NMD3: variants seen among roughly 807,000 people sequenced by gnomAD.
NMD3 encodes NMD3 ribosome export adaptor.
In NMD3, 47 loss-of-function variants were observed where a neutral mutation model predicts 73.1. The ratio of observed to expected loss-of-function variants is 0.64; its 90% CI spans 0.51 to 0.82. The LOEUF (loss-of-function observed/expected upper bound fraction) is 0.82. Ranked by LOEUF, NMD3 falls within the 40% of genes least tolerant of loss-of-function variation. The pLI is 0.00. For synonymous variants in NMD3, 210 were observed against 194.5 expected (o/e 1.08, Z -0.66); for missense variants, 554 against 612.5 (o/e 0.90, Z 1.01).
chr3:161,232,888 T>C (rs534116315), intron 4 of NMD3, among the ~76,000 whole-genome samples: 9 of 152,284 alleles, frequency 5.9e-5, no homozygotes, highest in African/African-American at 1.9e-4. Flanking sequence ...GCAAACTGTT[T>C]TGGCCTATGC....
intron 10 of NMD3, among the ~76,000 whole-genome samples, chr3:161,241,771 A>G (rs1736996043): frequency 6.6e-6 from 1 of 152,162 alleles, no homozygotes. Flanking sequence ...ACTTAAGTCC[A>G]TTGCCAAAAT....
chr3:161,224,080 C>T (rs1267870453), intron 2 of NMD3, among the ~76,000 whole-genome samples: 1 of 152,042 alleles, frequency 6.6e-6, no homozygotes, highest in African/African-American at 2.4e-5. Context: ...ATTTCAGTAT[C>T]TAAAATTAAA....
chr3:161,246,185 T>C (rs1363789055), intron 11 of NMD3, 151 bp from the exon 12 acceptor site: 1 of 389,884 alleles, frequency 2.6e-6, no homozygotes, highest in Non-Finnish European at 4.6e-6. Context: ...TTTGTTAATT[T>C]TGACAGTGTT....
At chr3:161,229,413 C>G (rs1477542299) in intron 4 of NMD3, among the ~76,000 whole-genome samples, 1 of 152,098 alleles carries the variant, frequency 6.6e-6, no homozygotes, top group Non-Finnish European at 1.5e-5. Context: ...ACTGATGTAG[C>G]TGGATGTGTT....
intron 4 of NMD3, among the ~76,000 whole-genome samples, chr3:161,229,823 C>G (rs575818166): frequency 1.1e-4 from 17 of 152,068 alleles, no homozygotes; most frequent in African/African-American, 3.9e-4. Context: ...GTGTGATGTC[C>G]TGGGAGGAAA....
Position 161,225,024 on chromosome 3 carries a change from C to G in NMD3, c.139C>G (p.Pro47Ala), listed in dbSNP as rs776286017. The change falls in exon 3 of 16, where the codon CCG becomes GCG. Residue 47 changes from proline to alanine, a missense_variant. By Grantham distance (27) the Pro-to-Ala change is conservative. Transcript: ENST00000351193. The stretch of plus-strand genomic sequence containing the variant: ...TAAAGTGGACATCAGCCAAGGTATT[C>G]CGAAACAAGTCTCGATTTCGTTCTG... ...RSKVDISQGI[P>A]KQVSISFCKQ... The G allele has an allele frequency of 6.2e-7, 1 of 1,613,666 alleles. No homozygotes were observed. Among genetic ancestry groups the G allele is most frequent in the East Asian group, 2.2e-5 (1 of 44,840 alleles).
At chr3:161,246,797 C>T (rs1244788729) in intron 12 of NMD3, among the ~76,000 whole-genome samples, 1 of 152,070 alleles carries the variant, frequency 6.6e-6, no homozygotes, top group East Asian at 1.9e-4. Context: ...GATATGACAA[C>T]TATATATATA....
chr3:161,237,014 G>A (rs1736782992), intron 7 of NMD3, among the ~76,000 whole-genome samples: 1 of 152,032 alleles, frequency 6.6e-6, no homozygotes, highest in Admixed American at 6.6e-5. Context: ...AATTGTTTTG[G>A]CTATTCTGGG....
Position 161,241,213 on chromosome 3 carries a change from CAAT to C in NMD3, c.871+57_871+59del, listed in dbSNP as rs200120613. ...TGACAATTTTGTTTTGTATGACAAA[CAAT>C]AATAATTTGTGTTGTTAATTTTTCA... On this transcript the variant is annotated intron_variant, in intron 10 of 15. Transcript: ENST00000351193. 1.0e-3 allele frequency: 1,044 copies of C among 1,044,170 alleles called. 9 individuals are homozygous for C. In the African/African-American group the frequency reaches 0.014, roughly 14 times the overall value. 64.7% of individuals were successfully genotyped at this position (1,044,170 alleles called of 1,614,324 possible).
At chr3:161,221,485 C>G (rs142364430) in intron 1 of NMD3, 76 bp downstream of exon 1, 1 of 152,190 alleles carries the variant, frequency 6.6e-6, no homozygotes, top group African/African-American at 2.4e-5. Flanking sequence ...TCCCCGGCCT[C>G]GGGGCCGTGC....
chr3:161,225,026 G>C lies in NMD3; in HGVS notation c.141G>C (p.Pro47=). 6.2e-7 allele frequency: 1 copy of C among 1,613,824 alleles called. No individual in the cohort carries two copies. The highest frequency in any genetic ancestry group is 8.5e-7 in the Non-Finnish European group (1 of 1,179,970). ...RSKVDISQGI[P]KQVSISFCKQ... ...AAGTGGACATCAGCCAAGGTATTCCGAAACAAGTCTCGATTTCGTTCTGCA... is the reference window on the plus strand; with the variant it reads ...AAGTGGACATCAGCCAAGGTATTCCCAAACAAGTCTCGATTTCGTTCTGCA... The change falls in exon 3 of 16, where the codon CCG becomes CCC. Residue 47 remains proline (P), a synonymous_variant. Transcript: ENST00000351193.
At chr3:161,225,479 C>A (rs1736277418) in intron 3 of NMD3, among the ~76,000 whole-genome samples, 1 of 151,914 alleles carries the variant, frequency 6.6e-6, no homozygotes, top group African/African-American at 2.4e-5. Flanking sequence ...AAACTCATAA[C>A]ATTCACGTGT....
In NMD3 at chr3:161,249,483, C is replaced by T. The variant is rs1258601412; in HGVS notation, c.1233C>T (p.Thr411=). The change falls in exon 14 of 16, where the codon ACC becomes ACT. Residue 411 remains threonine (T), a synonymous_variant. Coordinates refer to ENST00000351193, the MANE Select transcript of NMD3 (RefSeq NM_015938.5). ...VVLIKKSYDR[T]KRQRRRNWKL... is the part of the protein sequence containing the mutation. ...TAATCAAGAAGAGCTATGACCGGAC[C>T]AAACGTCAGCGTCGTAGAAACTGGA... is the stretch of plus-strand genomic sequence containing the variant. 2 of 1,611,018 alleles carry T rather than the reference C, an allele frequency of 1.2e-6. No individual in the cohort carries two copies. The highest frequency in any genetic ancestry group is 1.7e-6 in the Non-Finnish European group (2 of 1,178,594).
intron 11 of NMD3, among the ~76,000 whole-genome samples, chr3:161,244,962 T>C (rs1221430390): frequency 1.3e-5 from 2 of 152,130 alleles, no homozygotes; most frequent in African/African-American, 4.8e-5. Context: ...TCCTATGTTG[T>C]TTTGACGTGA....
At chr3:161,246,499 T>C in intron 12 of NMD3, 51 bp downstream of exon 12, 1 of 768,728 alleles carries the variant, frequency 1.3e-6, no homozygotes, top group Non-Finnish European at 2.1e-6. Context: ...CAAATTTTCT[T>C]TGGGAACCAG....
chr3:161,249,629 G>A (rs757937488), intron 14 of NMD3, 69 bp downstream of exon 14: 21 of 1,005,760 alleles, frequency 2.1e-5, no homozygotes, highest in Non-Finnish European at 3.1e-5. Flanking sequence ...TTTTTATGTT[G>A]TAAAGAAATA....
Position 161,227,344 on chromosome 3 carries a change from G to GT in NMD3, c.276+2dup, listed in dbSNP as rs1736359388. 5.8e-6 allele frequency: 9 copies of GT among 1,547,340 alleles called. No homozygotes were observed. The highest frequency in any genetic ancestry group is 8.0e-6 in the Non-Finnish European group (9 of 1,131,048). On this transcript the variant is annotated splice_donor_variant, in intron 4 of 15. Transcript: ENST00000351193. LOFTEE classifies it high-confidence loss of function. ...AAAAATCAAAGCCCCTCTGAGTAAG[G>GT]TAAGTTAAACAGCTAAAATCAGTAT...
In NMD3 at chr3:161,238,144, A is replaced by G. The variant is rs1205726523; in HGVS notation, c.609A>G (p.Gln203=). Residue 203 remains glutamine (Q), a synonymous_variant, in exon 8 of 16, where the codon CAA becomes CAG. Coordinates refer to ENST00000351193, the MANE Select transcript of NMD3 (RefSeq NM_015938.5). ...DGLDFYYSSK[Q]HAQKMVEFLQ... is the part of the protein sequence containing the mutation. ...TGGATTTTTATTATTCCTCAAAACA[A>G]CATGCTCAGAAGATGGTCGAATTTC... The G allele has an allele frequency of 1.2e-6, 2 of 1,606,562 alleles. No individual in the cohort carries two copies. Among genetic ancestry groups the G allele is most frequent in the South Asian group, 1.1e-5 (1 of 89,002 alleles).
At chr3:161,239,000 A>G (rs1736872447) in intron 9 of NMD3, among the ~76,000 whole-genome samples, 174 bp downstream of exon 9, 1 of 152,188 alleles carries the variant, frequency 6.6e-6, no homozygotes, top group Non-Finnish European at 1.5e-5. Context: ...TTTTTAAAAA[A>G]GTCATGCTTA....
Sources: allele counts gnomAD v4.1 joint callset (sites outside exome capture counted in the v4.1 genomes callset), GRCh38; gene constraint gnomAD v4.1.1; transcripts MANE v1.5; gene names NCBI Gene and HGNC (gene_info 2026-07-23, HGNC 2026-07-21).